KLF13: variants seen among roughly 807,000 people sequenced by gnomAD.
KLF13 encodes the protein Krueppel-like factor 13.
KLF13 carries 8 observed loss-of-function variants against 16.7 expected under a neutral mutation model. The ratio of observed to expected loss-of-function variants is 0.48; its 90% CI spans 0.28 to 0.87. KLF13 has a LOEUF of 0.87. Ranked by LOEUF, KLF13 falls within the 40% of genes least tolerant of loss-of-function variation. KLF13 has a pLI of 0.10. For missense variants in KLF13, 447 were observed against 452.2 expected, an observed-to-expected ratio of 0.99 and a Z score of 0.10; for synonymous variants, 245 against 208.4, an observed-to-expected ratio of 1.18 and a Z score of -1.51.
rs189421281 is a variant in KLF13, at chr15:31,337,795, C to A, written c.577+10006C>A. 4.6e-5 allele frequency among the ~76,000 whole-genome samples: 7 copies of A among 152,330 alleles called. No individual in the cohort carries two copies. The East Asian group carries it at 1.3e-3, about 29-fold the overall frequency. On this transcript the variant is annotated intron_variant, in intron 1 of 1. Coordinates refer to ENST00000307145, the MANE Select transcript of KLF13 (RefSeq NM_015995.4). ...CCACGTGGACTGTCATTGTTTGAAA[C>A]GTCATTATGTGGTGCATGACTGTAC...
chr15:31,378,647 C>T (rs2039686295), downstream of KLF13, among the ~76,000 whole-genome samples: 1 of 151,874 alleles, frequency 6.6e-6, no homozygotes, highest in Non-Finnish European at 1.5e-5. Context: ...CAGCCTCACC[C>T]AGGGGTAGAC....
At chr15:31,387,174 C>T (rs1429539549) in intron 1 of KLF13, among the ~76,000 whole-genome samples, 1 of 152,168 alleles carries the variant, frequency 6.6e-6, no homozygotes, top group Non-Finnish European at 1.5e-5. Flanking sequence ...GAAGTTTTAC[C>T]GTGGGTAAAA....
At chr15:31,414,039 A>G (rs1434119501) in intron 1 of KLF13, among the ~76,000 whole-genome samples, 3 of 152,184 alleles carry the variant, frequency 2.0e-5, no homozygotes, top group Admixed American at 6.5e-5. Context: ...TGAGTTTGTA[A>G]AATTAATAGA....
At chr15:31,425,308 G>A (rs74475559) in intron 1 of KLF13, among the ~76,000 whole-genome samples, 14,049 of 152,064 alleles carry the variant, frequency 0.092, 2,276 homozygotes, top group African/African-American at 0.32. Flanking sequence ...GAATCCTAAA[G>A]AATCCTAAGG....
At chr15:31,367,184 C>A (rs2039488096) in intron 1 of KLF13, among the ~76,000 whole-genome samples, 1 of 152,202 alleles carries the variant, frequency 6.6e-6, no homozygotes, top group Non-Finnish European at 1.5e-5. Context: ...CTGGGTGCTG[C>A]CTGAGTGTCA....
intron 1 of KLF13, among the ~76,000 whole-genome samples, chr15:31,346,260 C>T (rs907495404): frequency 1.3e-5 from 2 of 152,226 alleles, no homozygotes; most frequent in Non-Finnish European, 1.5e-5. Flanking sequence ...CCCCGACCTC[C>T]TGTCCTCTGC....
At chr15:31,400,597 G>A (rs2040020363) in intron 2 of KLF13, among the ~76,000 whole-genome samples, 1 of 152,128 alleles carries the variant, frequency 6.6e-6, no homozygotes, top group South Asian at 2.1e-4. Flanking sequence ...CAGAGCTGGG[G>A]GTGAGGTGCC....
intron 1 of KLF13, among the ~76,000 whole-genome samples, chr15:31,383,796 G>T (rs930577305): frequency 6.6e-6 from 1 of 152,152 alleles, no homozygotes. Flanking sequence ...CAGCTACTCG[G>T]GAGGCTGAGG....
At chr15:31,329,783 A>G (rs2140928043) in intron 1 of KLF13, among the ~76,000 whole-genome samples, 1 of 152,306 alleles carries the variant, frequency 6.6e-6, no homozygotes, top group South Asian at 2.1e-4. Flanking sequence ...TCCACCCTTC[A>G]GGTGTGCAGA....
intron 1 of KLF13, among the ~76,000 whole-genome samples, chr15:31,417,154 G>A (rs1336695464): frequency 6.6e-6 from 1 of 152,032 alleles, no homozygotes; most frequent in African/African-American, 2.4e-5. Context: ...CCTTGATCTT[G>A]GACTTCCAAG....
intron 1 of KLF13, among the ~76,000 whole-genome samples, chr15:31,370,492 C>G (rs1481197625): frequency 2.0e-5 from 3 of 151,722 alleles, no homozygotes; most frequent in Non-Finnish European, 2.9e-5. Flanking sequence ...AATCTTGACT[C>G]ACTGCAACCT....
chr15:31,383,858 C>T (rs555266875), intron 1 of KLF13, among the ~76,000 whole-genome samples: 29 of 152,064 alleles, frequency 1.9e-4, no homozygotes, highest in African/African-American at 5.8e-4. Flanking sequence ...GCCAAGATCA[C>T]GCCACTGCAC....
chr15:31,425,849 C>T (rs2040394375), intron 1 of KLF13, among the ~76,000 whole-genome samples: 1 of 152,140 alleles, frequency 6.6e-6, no homozygotes, highest in South Asian at 2.1e-4. Context: ...TGCACTCCAG[C>T]CTGGCCAACA....
chr15:31,413,180 G>GAAAAAAAAAAAAA, intron 1 of KLF13, among the ~76,000 whole-genome samples: 1 of 37,854 alleles, frequency 2.6e-5, no homozygotes, highest in South Asian at 9.3e-4. Context: ...GAGAGAAAAT[G>GAAAAAAAAAAAAA]AATAGACAAA....
chr15:31,370,044 CTTTTTTTTTTTT>C (rs912005994), intron 1 of KLF13, among the ~76,000 whole-genome samples: 3 of 99,302 alleles, frequency 3.0e-5, no homozygotes, highest in African/African-American at 1.1e-4. Flanking sequence ...TCTCCTTTTT[CTTTTTTTTTTTT>C]TTTTTTTTTT....
intron 1 of KLF13, among the ~76,000 whole-genome samples, chr15:31,430,954 A>G (rs925851745): frequency 6.6e-6 from 1 of 152,178 alleles, no homozygotes; most frequent in African/African-American, 2.4e-5. Context: ...TGAGCCTCCA[A>G]TTCATCATAG....
downstream of KLF13, among the ~76,000 whole-genome samples, chr15:31,406,279 C>G (rs1037391409): frequency 2.0e-5 from 3 of 152,102 alleles, no homozygotes; most frequent in African/African-American, 7.2e-5. Flanking sequence ...GAGTTTGAGA[C>G]CAGCCGGGCC....
chr15:31,332,492 C>T (rs11637074), intron 1 of KLF13, among the ~76,000 whole-genome samples: 21 of 152,142 alleles, frequency 1.4e-4, no homozygotes, highest in Admixed American at 7.9e-4. Context: ...GCTGGTGTGG[C>T]GCCATCTCCA....
chr15:31,404,448 C>G (rs2040085786), exon 3 of KLF13: 1 of 152,200 alleles, frequency 6.6e-6, no homozygotes, highest in Non-Finnish European at 1.5e-5. Context: ...CACCAATCAG[C>G]TCTCTGTGGC....
Sources: allele counts gnomAD v4.1 joint callset (sites outside exome capture counted in the v4.1 genomes callset), GRCh38; gene constraint gnomAD v4.1.1; transcripts MANE v1.5; gene names NCBI Gene and HGNC (gene_info 2026-07-23, HGNC 2026-07-21).